UTRN: variants seen among roughly 807,000 people sequenced by gnomAD.
UTRN encodes the protein dystrophin-related protein 1.
In UTRN, 283 loss-of-function variants were observed where a neutral mutation model predicts 463.9. The observed-to-expected ratio is 0.61, with a 90% CI of 0.55 to 0.67. UTRN has a LOEUF of 0.67. UTRN is among the 30% of genes least tolerant of loss of function. The pLI, the probability that UTRN is intolerant of heterozygous loss-of-function variation, is 0.00. For synonymous variants in UTRN, 1,442 were observed against 1,431.5 expected (o/e 1.01, Z -0.17); for missense variants, 3,922 against 4,084.3 (o/e 0.96, Z 1.08).
In UTRN at chr6:144,348,080, C is replaced by T. The variant is rs367711170; in HGVS notation, c.80-55043C>T. 7.2e-5 allele frequency among the ~76,000 whole-genome samples: 11 copies of T among 152,076 alleles called. No homozygotes were observed. The East Asian group carries it at 1.5e-3, about 21-fold the overall frequency. Reference sequence around the variant, plus strand: ...CAGGCTGGTCTTGAACTCCTGAGCTCGAGTGATCCTCCCTCTTGGCCTCCC... The same window carrying T: ...CAGGCTGGTCTTGAACTCCTGAGCTTGAGTGATCCTCCCTCTTGGCCTCCC... On this transcript the variant is annotated intron_variant, in intron 2 of 74. Coordinates refer to ENST00000367545, the MANE Select transcript of UTRN (RefSeq NM_007124.3).
intron 51 of UTRN, among the ~76,000 whole-genome samples, chr6:144,647,062 A>G (rs1294454237): frequency 6.6e-6 from 1 of 152,188 alleles, no homozygotes; most frequent in Admixed American, 6.5e-5. Context: ...AGTAAAAGCA[A>G]AATCTTATTA....
intron 50 of UTRN, among the ~76,000 whole-genome samples, chr6:144,575,885 C>A (rs1801387284): frequency 6.6e-6 from 1 of 152,060 alleles, no homozygotes; most frequent in Admixed American, 6.6e-5. Context: ...TCCAAAGAAA[C>A]CCCATACCAT....
intron 41 of UTRN, 59 bp downstream of exon 41, chr6:144,523,247 G>A: frequency 1.5e-6 from 2 of 1,313,272 alleles, no homozygotes; most frequent in South Asian, 1.8e-5. Flanking sequence ...TCATGGGCGT[G>A]AAGAAGATCA....
Position 144,821,590 on chromosome 6 carries a change from G to T in UTRN, c.9494+572G>T, listed in dbSNP as rs189072755. Among the ~76,000 whole-genome samples, 165 of 152,102 alleles carry T rather than the reference G, an allele frequency of 1.1e-3. 1 individual carries two copies. In the East Asian group the frequency reaches 0.026, roughly 24 times the overall value. Reference sequence around the variant, plus strand: ...AAAATAGAAAAAATTTATTCAAAGTGTATAATTTGAGTTGGTTAGCATACA... The same window carrying T: ...AAAATAGAAAAAATTTATTCAAAGTTTATAATTTGAGTTGGTTAGCATACA... On this transcript the variant is annotated intron_variant, in intron 66 of 74. Coordinates refer to ENST00000367545, the MANE Select transcript of UTRN (RefSeq NM_007124.3).
At chr6:144,430,143 A>T (rs1785667018) in intron 9 of UTRN, among the ~76,000 whole-genome samples, 1 of 151,544 alleles carries the variant, frequency 6.6e-6, no homozygotes, top group Non-Finnish European at 1.5e-5. Flanking sequence ...TTGAGAAAAG[A>T]TTTTTTTTCC....
At chr6:144,687,877 G>A (rs1782923890) in intron 52 of UTRN, among the ~76,000 whole-genome samples, 3 of 152,120 alleles carry the variant, frequency 2.0e-5, no homozygotes, top group Admixed American at 2.0e-4. Flanking sequence ...TGTGCTTCTT[G>A]TATTTAGATG....
Position 144,322,360 on chromosome 6 carries a change from TC to T in UTRN, c.79+30454del, listed in dbSNP as rs1775713413. Among the ~76,000 whole-genome samples, 3 of 152,180 alleles carry T rather than the reference TC, an allele frequency of 2.0e-5. 1 individual carries two copies. The South Asian group carries it at 6.2e-4, about 31-fold the overall frequency. Reference sequence around the variant, plus strand: ...GCACTGGTGAGCACCTGGTGAGCATTCACTGAATGTGTCTGATGGATTTACC... The same window carrying T: ...GCACTGGTGAGCACCTGGTGAGCATTACTGAATGTGTCTGATGGATTTACC... On this transcript the variant is annotated intron_variant, in intron 2 of 74. Transcript: ENST00000367545.
intron 58 of UTRN, among the ~76,000 whole-genome samples, chr6:144,771,503 G>A (rs1259345524): frequency 6.6e-6 from 1 of 152,078 alleles, no homozygotes; most frequent in African/African-American, 2.4e-5. Flanking sequence ...TCGGCTCACT[G>A]CAACCTCCAC....
intron 50 of UTRN, among the ~76,000 whole-genome samples, chr6:144,572,149 G>A (rs1467431307): frequency 6.6e-6 from 1 of 152,084 alleles, no homozygotes; most frequent in African/African-American, 2.4e-5. Flanking sequence ...CAACGCTGAA[G>A]ACAGCCCATA....
At chr6:144,710,548 G>A (rs1280919252) in intron 53 of UTRN, among the ~76,000 whole-genome samples, 1 of 152,130 alleles carries the variant, frequency 6.6e-6, no homozygotes, top group Non-Finnish European at 1.5e-5. Flanking sequence ...GTACTTTCTT[G>A]GGTGTTTTAA....
At chr6:144,732,655 C>CATGTT (rs57770911) in intron 54 of UTRN, among the ~76,000 whole-genome samples, 12,827 of 126,184 alleles carry the variant, frequency 0.1, 1,351 homozygotes, top group East Asian at 0.13. Context: ...CATTTTATGT[C>CATGTT]ATGTTATGTT....
Position 144,286,646 on chromosome 6 carries a change from C to T in UTRN, c.-93+825C>T, listed in dbSNP as rs182229143. ...GGCCACTTAAAAACCAACAAAGCAC[C>T]AATTGAAGGCTGTGCAACTTTCAGA... On this transcript the variant is annotated intron_variant, in intron 1 of 74. Transcript: ENST00000367545. The surrounding 1 kb of genome is among the most constrained non-coding windows in gnomAD (Gnocchi z 4.4). Among the ~76,000 whole-genome samples the T allele has an allele frequency of 5.6e-3, 851 of 151,836 alleles. 6 individuals carry two copies. The highest frequency in any genetic ancestry group is 0.02 in the African/African-American group (808 of 41,360).
intron 2 of UTRN, among the ~76,000 whole-genome samples, chr6:144,293,893 GAT>G (rs1491587466): frequency 7.0e-5 from 10 of 143,406 alleles, no homozygotes; most frequent in African/African-American, 2.6e-4. Context: ...AGATGTGTGT[GAT>G]GTGTGTGTGT....
In UTRN at chr6:144,828,821, T is replaced by G. The variant is rs201527578; in HGVS notation, c.9631T>G (p.Phe3211Val). Residue 3211 changes from phenylalanine (F) to valine (V), a missense_variant, in exon 69 of 75, where the codon TTT becomes GTT. Transcript: ENST00000367545. ...LAQMERTNGS[F>V]LTDSSSTTGS... ...CCAGATGGAAAGGACTAATGGGTCT[T>G]TTCTCACTGATAGCAGCTCCACCAC... 1 of 1,613,476 alleles carries G rather than the reference T, an allele frequency of 6.2e-7. No homozygotes were observed. Among genetic ancestry groups the G allele is most frequent in the Non-Finnish European group, 8.5e-7 (1 of 1,179,574 alleles).
intron 54 of UTRN, among the ~76,000 whole-genome samples, chr6:144,738,573 A>T (rs923892535): frequency 6.6e-6 from 1 of 152,232 alleles, no homozygotes; most frequent in African/African-American, 2.4e-5. Flanking sequence ...TTATGATTTA[A>T]AGCTAAGGTA....
intron 2 of UTRN, among the ~76,000 whole-genome samples, chr6:144,380,759 C>T (rs1209370801): frequency 6.6e-6 from 1 of 152,088 alleles, no homozygotes; most frequent in East Asian, 1.9e-4. Context: ...CTACAGTGAG[C>T]TATGATTGTG....
At chr6:144,587,631 T>A (rs1802595821) in intron 51 of UTRN, among the ~76,000 whole-genome samples, 1 of 152,158 alleles carries the variant, frequency 6.6e-6, no homozygotes, top group Non-Finnish European at 1.5e-5. Flanking sequence ...TTCGACCGGT[T>A]GAATTTTGTA....
At chr6:144,401,522 G>A (rs866919421) in intron 2 of UTRN, among the ~76,000 whole-genome samples, 1 of 152,130 alleles carries the variant, frequency 6.6e-6, no homozygotes, top group Non-Finnish European at 1.5e-5. Flanking sequence ...GATCGTTGCT[G>A]TCTTTGCTGT....
intron 52 of UTRN, among the ~76,000 whole-genome samples, chr6:144,684,013 GCTT>G (rs1165158685): frequency 4.7e-5 from 7 of 150,422 alleles, no homozygotes; most frequent in Non-Finnish European, 8.9e-5. Flanking sequence ...TATAGGACAT[GCTT>G]CTACATTCCT....
Sources: allele counts gnomAD v4.1 joint callset (sites outside exome capture counted in the v4.1 genomes callset), GRCh38; gene constraint gnomAD v4.1.1; non-coding constraint Gnocchi (gnomAD v3.1); transcripts MANE v1.5; gene names NCBI Gene and HGNC (gene_info 2026-07-23, HGNC 2026-07-21).